The following MYO9A variants were observed in gnomAD, a reference collection of about 807,000 sequenced individuals.
The protein encoded by MYO9A is unconventional myosin-IXa.
MYO9A carries 103 observed loss-of-function variants against 293.3 expected under a neutral mutation model. The observed-to-expected ratio is 0.35, with a 90% CI of 0.30 to 0.41. MYO9A has a LOEUF of 0.41. MYO9A is among the 10% of genes least tolerant of loss of function. The pLI is 1.00. For missense variants in MYO9A, 2,685 were observed against 3,033.0 expected, an observed-to-expected ratio of 0.89 and a Z score of 2.69; for synonymous variants, 1,001 against 1,035.7, an observed-to-expected ratio of 0.97 and a Z score of 0.64.
At chr15:71,983,260 TC>T (rs1245733715) in intron 11 of MYO9A, among the ~76,000 whole-genome samples, 1 of 151,918 alleles carries the variant, frequency 6.6e-6, no homozygotes, top group Non-Finnish European at 1.5e-5. Flanking sequence ...GTATTTTTTT[TC>T]AAGTTTTATA....
chr15:71,851,406 C>A, intron 36 of MYO9A, 48 bp from the exon 37 acceptor site: 1 of 1,435,174 alleles, frequency 7.0e-7, no homozygotes, highest in Non-Finnish European at 9.7e-7. Context: ...CCCCCTTATA[C>A]AGTGTATCTT....
chr15:71,959,863 AG>A (rs763854162), intron 14 of MYO9A, 37 bp downstream of exon 14: 10 of 1,506,460 alleles, frequency 6.6e-6, no homozygotes, highest in African/African-American at 2.8e-5. Context: ...AAAAAAAAAA[AG>A]ATGAAGTATG....
At chr15:72,100,364 G>C (rs573041615) in intron 1 of MYO9A, among the ~76,000 whole-genome samples, 1 of 152,290 alleles carries the variant, frequency 6.6e-6, no homozygotes, top group Non-Finnish European at 1.5e-5. Context: ...CAGTGGCGTG[G>C]TCTCGGCTCG....
chr15:72,024,752 G>A (rs2077611129), intron 4 of MYO9A, among the ~76,000 whole-genome samples: 2 of 152,244 alleles, frequency 1.3e-5, no homozygotes, highest in South Asian at 4.1e-4. Flanking sequence ...TCAAAATTAA[G>A]TTGTCATTAT....
intron 32 of MYO9A, among the ~76,000 whole-genome samples, chr15:71,874,422 G>A (rs1011470690): frequency 3.9e-5 from 6 of 152,068 alleles, no homozygotes; most frequent in Non-Finnish European, 8.8e-5. Context: ...TTAAACAGAA[G>A]GAACCAGGGG....
intron 39 of MYO9A, among the ~76,000 whole-genome samples, chr15:71,836,274 C>A (rs543600543): frequency 2.6e-5 from 4 of 151,956 alleles, no homozygotes; most frequent in Non-Finnish European, 4.4e-5. Context: ...TGTATATATA[C>A]ACACACATTA....
At position 71,830,262 on chromosome 15, in the gene MYO9A, A is replaced by G. The variant is rs779978774; in HGVS notation, c.6887T>C (p.Val2296Ala). Residue 2296 changes from valine to alanine, a missense_variant, in exon 40 of 42, where the codon GTT becomes GCT. Transcript: ENST00000356056. ...RGNYPGPSSP[V>A]VVRLPSVSDV... ...AGACACAGAAGGCAACCGAACTACAACAGGAGACGATGGACCTGGATAGTT... is the reference window on the plus strand; with the variant it reads ...AGACACAGAAGGCAACCGAACTACAGCAGGAGACGATGGACCTGGATAGTT... 5.6e-6 allele frequency: 9 copies of G among 1,613,934 alleles called. No homozygotes were observed. Among genetic ancestry groups the G allele is most frequent in the Non-Finnish European group, 8.5e-7 (1 of 1,179,978 alleles).
intron 13 of MYO9A, among the ~76,000 whole-genome samples, chr15:71,962,621 G>T (rs1057340832): frequency 6.6e-6 from 1 of 152,150 alleles, no homozygotes; most frequent in Non-Finnish European, 1.5e-5. Flanking sequence ...TGTATTTTAC[G>T]TAACTTATTT....
intron 1 of MYO9A, among the ~76,000 whole-genome samples, chr15:72,108,839 C>G (rs920980608): frequency 1.3e-5 from 2 of 150,632 alleles, no homozygotes; most frequent in African/African-American, 4.9e-5. Context: ...CTCAGCTCAC[C>G]ACAACCTCCA....
chr15:71,935,580 T>A, intron 16 of MYO9A, 96 bp from the exon 17 acceptor site: 1 of 1,266,774 alleles, frequency 7.9e-7, no homozygotes, highest in Non-Finnish European at 1.1e-6. Flanking sequence ...AAAGTTAAAA[T>A]TTAGAAAAAA....
intron 2 of MYO9A, among the ~76,000 whole-genome samples, chr15:72,033,421 A>ACT (rs2077939762): frequency 6.6e-6 from 1 of 152,210 alleles, no homozygotes; most frequent in Non-Finnish European, 1.5e-5. Context: ...TTACAAAAGA[A>ACT]TAAGAACTAT....
At chr15:71,874,372 A>G (rs1365554940) in intron 32 of MYO9A, among the ~76,000 whole-genome samples, 1 of 152,134 alleles carries the variant, frequency 6.6e-6, no homozygotes, top group African/African-American at 2.4e-5. Context: ...AGACGATAGG[A>G]GGAGGAGGGG....
At chr15:71,832,937 A>G (rs1169230267) in intron 39 of MYO9A, among the ~76,000 whole-genome samples, 1 of 152,188 alleles carries the variant, frequency 6.6e-6, no homozygotes, top group East Asian at 1.9e-4. Flanking sequence ...AAATACTGAT[A>G]GATCACAGAT....
chr15:71,855,072 G>A (rs2055810237), intron 34 of MYO9A, among the ~76,000 whole-genome samples: 1 of 152,206 alleles, frequency 6.6e-6, no homozygotes, highest in Admixed American at 6.5e-5. Context: ...CATGACTACT[G>A]TTACAGCTCT....
intron 1 of MYO9A, among the ~76,000 whole-genome samples, chr15:72,103,462 AAGC>A (rs1182274305): frequency 6.7e-6 from 1 of 149,062 alleles, no homozygotes; most frequent in African/African-American, 2.5e-5. Context: ...GCAGAAGAAG[AAGC>A]AGCAGCAGAA....
In MYO9A at chr15:71,826,047, A is replaced by AGGAG. The variant is rs2054483989; in HGVS notation, c.*532_*533insCTCC. 2.2e-5 allele frequency: 3 copies of AGGAG among 134,228 alleles called. No homozygotes were observed. In the South Asian group the frequency reaches 7.2e-4, roughly 32 times the overall value. 8.3% of individuals were successfully genotyped at this position (134,228 alleles called of 1,614,324 possible). Reference sequence around the variant, plus strand: ...GTTTTTGCTTTCCCCAGAATATAACATGGAGTGTTTTTTCAGAAATCTTAA... The same window carrying AGGAG: ...GTTTTTGCTTTCCCCAGAATATAACAGGAGTGGAGTGTTTTTTCAGAAATCTTAA... On this transcript the variant is annotated 3_prime_UTR_variant, in exon 42 of 42. Coordinates refer to ENST00000356056, the MANE Select transcript of MYO9A (RefSeq NM_006901.4).
chr15:71,906,758 C>CTTTTTTTTTTTTTTCTTT (rs2057659301), intron 19 of MYO9A, among the ~76,000 whole-genome samples: 28 of 61,030 alleles, frequency 4.6e-4, no homozygotes, highest in African/African-American at 1.6e-3. Context: ...CCATTTCTTT[C>CTTTTTTTTTTTTTTCTTT]TTTTTTTTTT....
chr15:71,899,502 TA>T (rs2057422074), intron 24 of MYO9A, among the ~76,000 whole-genome samples, 184 bp downstream of exon 24: 1 of 152,202 alleles, frequency 6.6e-6, no homozygotes, highest in Admixed American at 6.5e-5. Flanking sequence ...TTTAATTCAA[TA>T]AAACCTTATT....
chr15:71,862,223 T>A (rs1328399700), intron 33 of MYO9A, among the ~76,000 whole-genome samples: 1 of 152,070 alleles, frequency 6.6e-6, no homozygotes, highest in African/African-American at 2.4e-5. Context: ...GAGATGTGAG[T>A]GTAGGCATGA....
Sources: allele counts gnomAD v4.1 joint callset (sites outside exome capture counted in the v4.1 genomes callset), GRCh38; gene constraint gnomAD v4.1.1; transcripts MANE v1.5; gene names NCBI Gene and HGNC (gene_info 2026-07-23, HGNC 2026-07-21).